SLC4A5: variants seen among roughly 807,000 people sequenced by gnomAD.
The protein encoded by SLC4A5 is solute carrier family 4 member 5, also known as electrogenic sodium bicarbonate cotransporter 4.
In SLC4A5, 96 loss-of-function variants were observed where a neutral mutation model predicts 120.4. The ratio of observed to expected loss-of-function variants is 0.80; its 90% CI spans 0.68 to 0.94. The LOEUF is 0.94. SLC4A5 is among the 40% of genes least tolerant of loss of function. The pLI is 0.00. For synonymous variants in SLC4A5, 550 were observed against 571.1 expected, an observed-to-expected ratio of 0.96 and a Z score of 0.53; for missense variants, 1,259 against 1,459.5, an observed-to-expected ratio of 0.86 and a Z score of 2.24.
chr2:74,248,597 C>T (rs1233024559), intron 17 of SLC4A5, 111 bp from the exon 18 acceptor site: 16 of 1,283,964 alleles, frequency 1.2e-5, no homozygotes, highest in African/African-American at 6.0e-5. Context: ...GTTTATCCTT[C>T]GTTCTGGGCC....
Position 74,304,749 on chromosome 2 carries a change from T to C in SLC4A5, c.80-69A>G. Reference sequence around the variant, plus strand: ...AATTGGCATTTTTTCATAATATTCATCAGTTACAAAGAGATTGGGCTGCAG... The same window carrying C: ...AATTGGCATTTTTTCATAATATTCACCAGTTACAAAGAGATTGGGCTGCAG... On this transcript the variant is annotated intron_variant, in intron 6 of 30. Transcript: ENST00000394019. The C allele has an allele frequency of 4.0e-6, 6 of 1,491,294 alleles. No individual in the cohort carries two copies. In the South Asian group the frequency reaches 7.7e-5, roughly 19 times the overall value. The allele number at this position is 1,491,294 out of a possible 1,614,324, so 92.4% of individuals were successfully genotyped here. A position where few individuals can be genotyped will look rare whatever the true frequency, so the allele number is the denominator to read the frequency against.
intron 7 of SLC4A5, among the ~76,000 whole-genome samples, chr2:74,297,511 G>A (rs1032793967): frequency 2.6e-5 from 4 of 152,148 alleles, no homozygotes; most frequent in African/African-American, 7.2e-5. Context: ...CACCCCAGTT[G>A]GGCTTGACTG....
chr2:74,306,944 G>A, intron 6 of SLC4A5: 1 of 610,368 alleles, frequency 1.6e-6, no homozygotes, highest in Non-Finnish European at 3.0e-6. Context: ...CCTGGGCCTG[G>A]CACTGTCCCT....
intron 7 of SLC4A5, among the ~76,000 whole-genome samples, chr2:74,287,388 G>A (rs1672017065): frequency 6.6e-6 from 1 of 152,162 alleles, no homozygotes; most frequent in Non-Finnish European, 1.5e-5. Context: ...AGCTAGACAA[G>A]GGTGTGAGTC....
chr2:74,315,119 AT>A, intron 5 of SLC4A5, 94 bp from the exon 6 acceptor site: 1 of 1,037,542 alleles, frequency 9.6e-7, no homozygotes, highest in South Asian at 1.3e-5. Flanking sequence ...ATAATGGGAG[AT>A]TTTAATACAG....
At chr2:74,264,077 C>T (rs1671224097) in intron 10 of SLC4A5, 70 bp downstream of exon 10, 1 of 1,539,376 alleles carries the variant, frequency 6.5e-7, no homozygotes, top group Admixed American at 2.0e-5. Flanking sequence ...CTAAGGTGGG[C>T]TCACCCGGGT....
At chr2:74,332,850 C>A (rs556031879) in intron 4 of SLC4A5, among the ~76,000 whole-genome samples, 1 of 152,130 alleles carries the variant, frequency 6.6e-6, no homozygotes, top group African/African-American at 2.4e-5. Flanking sequence ...TTTTGTAAGC[C>A]AAAAAATGTT....
rs184613565 is a variant in SLC4A5, at chr2:74,222,851, T to A, written c.3331+17A>T. On this transcript the variant is annotated intron_variant, in intron 29 of 30. Transcript: ENST00000394019. Reference sequence around the variant, plus strand: ...GACTAGTAGTAAGAAGGGAGAGACATCATGTGTTTTACTTACTGGCAATGC... The same window carrying A: ...GACTAGTAGTAAGAAGGGAGAGACAACATGTGTTTTACTTACTGGCAATGC... 989 of 1,588,060 alleles carry A rather than the reference T, an allele frequency of 6.2e-4. 7 individuals carry two copies. The African/African-American group carries it at 0.012, about 19-fold the overall frequency.
intron 5 of SLC4A5, among the ~76,000 whole-genome samples, chr2:74,321,300 G>A (rs1673091953): frequency 6.6e-6 from 1 of 152,120 alleles, no homozygotes; most frequent in South Asian, 2.1e-4. Context: ...ACACCCTTCA[G>A]CTCTCTCTGG....
chr2:74,318,493 T>A (rs1214825850), intron 5 of SLC4A5, among the ~76,000 whole-genome samples: 1 of 151,976 alleles, frequency 6.6e-6, no homozygotes, highest in African/African-American at 2.4e-5. Context: ...CAAGACCAGC[T>A]TGGCTAACAT....
At chr2:74,263,450 C>T (rs1473810039) in intron 10 of SLC4A5, among the ~76,000 whole-genome samples, 1 of 152,174 alleles carries the variant, frequency 6.6e-6, no homozygotes, top group Non-Finnish European at 1.5e-5. Context: ...AGCAACTTTG[C>T]TCTGGTTACT....
At chr2:74,221,028 A>G (rs932798205) in intron 30 of SLC4A5, among the ~76,000 whole-genome samples, 6 of 150,282 alleles carry the variant, frequency 4.0e-5, no homozygotes, top group Admixed American at 6.7e-5. Context: ...TTTTTTTAGT[A>G]GAGACGGGGT....
At chr2:74,227,851 C>T in exon 26 of SLC4A5, 1 of 1,611,884 alleles carries the variant, frequency 6.2e-7, no homozygotes, top group South Asian at 1.1e-5. Context: ...TAGAGGAAGA[C>T]TCCGTACAGC....
intron 7 of SLC4A5, among the ~76,000 whole-genome samples, chr2:74,291,491 C>T (rs552285738): frequency 3.3e-5 from 5 of 152,268 alleles, no homozygotes; most frequent in Admixed American, 1.3e-4. Flanking sequence ...CCAGTTTACC[C>T]CATAGGCCCC....
chr2:74,239,849 G>C (rs538210377), intron 20 of SLC4A5, among the ~76,000 whole-genome samples: 1 of 151,984 alleles, frequency 6.6e-6, no homozygotes, highest in South Asian at 2.1e-4. Context: ...TTCCTGGAGT[G>C]TCTCATCTTT....
chr2:74,317,402 A>G (rs754004434), intron 5 of SLC4A5, among the ~76,000 whole-genome samples: 3 of 152,188 alleles, frequency 2.0e-5, no homozygotes, highest in Non-Finnish European at 4.4e-5. Context: ...GACAGCCTCT[A>G]CATATACAAA....
intron 27 of SLC4A5, 34 bp downstream of exon 27, chr2:74,226,923 C>A (rs1694859278): frequency 6.3e-7 from 1 of 1,599,704 alleles, no homozygotes; most frequent in Non-Finnish European, 8.5e-7. Flanking sequence ...GGCCAACCTG[C>A]CAGGCAGGAG....
At chr2:74,256,569 G>C (rs755106046) in intron 12 of SLC4A5, among the ~76,000 whole-genome samples, 31 of 152,140 alleles carry the variant, frequency 2.0e-4, no homozygotes, top group Non-Finnish European at 4.3e-4. Flanking sequence ...CAGTCTCTCT[G>C]GCTAGTGTCA....
At chr2:74,318,113 TAAAC>T (rs1309768333) in intron 5 of SLC4A5, among the ~76,000 whole-genome samples, 3 of 151,190 alleles carry the variant, frequency 2.0e-5, no homozygotes, top group Non-Finnish European at 4.4e-5. Context: ...ATGAACAAAG[TAAAC>T]AGACAACCTA....
Sources: allele counts gnomAD v4.1 joint callset (sites outside exome capture counted in the v4.1 genomes callset), GRCh38; gene constraint gnomAD v4.1.1; transcripts MANE v1.5; gene names NCBI Gene and HGNC (gene_info 2026-07-23, HGNC 2026-07-21).